The following DPP10 variants were observed in gnomAD, a reference collection of about 807,000 sequenced individuals.
The protein encoded by DPP10 is dipeptidyl peptidase like 10.
Under a neutral mutation model 120.9 loss-of-function variants are expected in DPP10, and 33 were observed. The ratio of observed to expected loss-of-function variants is 0.27; its 90% confidence interval spans 0.21 to 0.37. The LOEUF (loss-of-function observed/expected upper bound fraction) is 0.37, where lower values mean the gene tolerates loss of function less well. Ranked by LOEUF, DPP10 falls within the 10% of genes least tolerant of loss-of-function variation. The pLI is 1.00. For missense variants in DPP10, 816 were observed against 942.8 expected (o/e 0.87, Z 1.76); for synonymous variants, 337 against 326.1 (o/e 1.03, Z -0.36).
At chr2:115,631,999 T>A (rs746519509) in intron 5 of DPP10, among the ~76,000 whole-genome samples, 1 of 152,170 alleles carries the variant, frequency 6.6e-6, no homozygotes, top group Non-Finnish European at 1.5e-5. Flanking sequence ...CTGTCTTATA[T>A]TGACAGTGGG....
At chr2:115,666,939 A>G (rs2149428897) in intron 5 of DPP10, among the ~76,000 whole-genome samples, 1 of 152,214 alleles carries the variant, frequency 6.6e-6, no homozygotes, top group East Asian at 1.9e-4. Flanking sequence ...ACTTTTTAGT[A>G]ATAGCCATTC....
At chr2:115,339,897 G>A (rs555291867) in intron 2 of DPP10, among the ~76,000 whole-genome samples, 14 of 152,278 alleles carry the variant, frequency 9.2e-5, no homozygotes, top group South Asian at 2.1e-4. Context: ...ATGCAGTTGC[G>A]TAGAACTAAA....
At chr2:115,559,295 A>G (rs1575175008) in intron 5 of DPP10, among the ~76,000 whole-genome samples, 1 of 152,182 alleles carries the variant, frequency 6.6e-6, no homozygotes, top group Non-Finnish European at 1.5e-5. Flanking sequence ...TTGCTTTATC[A>G]GAAACATTGT....
rs1407543024 is a variant in DPP10, at chr2:114,663,662, T to TAGAGAGAGAGAG, written c.60+220825_60+220826insGAGAGAGAGAGA. On this transcript the variant is annotated intron_variant, in intron 1 of 25. Transcript: ENST00000410059. ...ACAGATATATATATATATATATATATATATATAGAGAGAGAGAGAGAGAGA... is the reference window on the plus strand; with the variant it reads ...ACAGATATATATATATATATATATATAGAGAGAGAGAGATATATAGAGAGAGAGAGAGAGAGA... 1.6e-3 allele frequency among the ~76,000 whole-genome samples: 154 copies of TAGAGAGAGAGAG among 94,958 alleles called. 1 individual carries two copies. The highest frequency in any genetic ancestry group is 2.2e-3 in the African/African-American group (31 of 14,180). The allele number at this position is 94,958 out of a possible 152,430, so 62.3% of individuals were successfully genotyped here.
chr2:115,216,384 G>T (rs760314249), intron 1 of DPP10, among the ~76,000 whole-genome samples: 2 of 152,132 alleles, frequency 1.3e-5, no homozygotes, highest in Non-Finnish European at 2.9e-5. Context: ...AATCTCCCAA[G>T]GTCTCTGGAG....
At chr2:114,706,141 G>T (rs1700672184) in intron 1 of DPP10, among the ~76,000 whole-genome samples, 1 of 152,184 alleles carries the variant, frequency 6.6e-6, no homozygotes, top group African/African-American at 2.4e-5. Flanking sequence ...GTCAGTGAAA[G>T]AGCTGCCTGG....
At chr2:114,781,199 A>G (rs1312484009) in intron 1 of DPP10, among the ~76,000 whole-genome samples, 7 of 152,140 alleles carry the variant, frequency 4.6e-5, no homozygotes, top group Non-Finnish European at 7.4e-5. Context: ...AACCTGTGAA[A>G]TCTCTCCACA....
In DPP10 at chr2:115,633,494, T is replaced by C. The variant is rs553580899; in HGVS notation, c.442-56193T>C. Among the ~76,000 whole-genome samples the C allele has an allele frequency of 7.2e-4, 110 of 152,168 alleles. 2 individuals carry two copies. Among genetic ancestry groups the C allele is most frequent in the Admixed American group, 5.2e-3 (80 of 15,286 alleles). On this transcript the variant is annotated intron_variant, in intron 5 of 25. Coordinates refer to ENST00000410059, the MANE Select transcript of DPP10 (RefSeq NM_020868.6). Reference sequence around the variant, plus strand: ...ATACCTAATGTAAATGACGAGTTAATGGGTGCAGCACACCAACATGGCACA... The same window carrying C: ...ATACCTAATGTAAATGACGAGTTAACGGGTGCAGCACACCAACATGGCACA...
intron 1 of DPP10, among the ~76,000 whole-genome samples, chr2:115,295,835 C>T (rs1261720816): frequency 2.0e-5 from 3 of 151,816 alleles, no homozygotes; most frequent in African/African-American, 7.3e-5. Flanking sequence ...AATCTTTAAA[C>T]TTAAAATAAA....
chr2:115,524,966 A>AAAAC (rs147985649), intron 4 of DPP10, among the ~76,000 whole-genome samples: 69 of 152,104 alleles, frequency 4.5e-4, no homozygotes, highest in Middle Eastern at 3.4e-3. Flanking sequence ...GTCCCTATGT[A>AAAAC]AAACAAACAA....
chr2:115,398,358 T>C (rs1198525987), intron 3 of DPP10, among the ~76,000 whole-genome samples: 1 of 152,120 alleles, frequency 6.6e-6, no homozygotes, highest in East Asian at 1.9e-4. Flanking sequence ...AGTTAAAAAA[T>C]TCATGACATG....
chr2:115,612,441 G>A (rs1359631001), intron 5 of DPP10, among the ~76,000 whole-genome samples: 6 of 152,054 alleles, frequency 3.9e-5, no homozygotes, highest in African/African-American at 1.4e-4. Context: ...CTAACCTCAA[G>A]CCTTATTTTT....
chr2:114,612,604 G>A (rs1195698549), intron 1 of DPP10, among the ~76,000 whole-genome samples: 2 of 152,116 alleles, frequency 1.3e-5, no homozygotes. Flanking sequence ...ATTATTCTAT[G>A]GTATCTATTG....
chr2:115,555,195 A>G (rs1558841908), intron 5 of DPP10, among the ~76,000 whole-genome samples: 1 of 152,094 alleles, frequency 6.6e-6, no homozygotes, highest in Admixed American at 6.6e-5. Flanking sequence ...TCTAGAATAT[A>G]TTATTTCCTA....
At position 115,004,697 on chromosome 2, in the gene DPP10, G is replaced by A. The variant is rs548003578; in HGVS notation, c.61-304542G>A. 6.2e-4 allele frequency among the ~76,000 whole-genome samples: 95 copies of A among 152,242 alleles called. 3 individuals are homozygous for A. Among genetic ancestry groups the A allele is most frequent in the African/African-American group, 2.1e-3 (86 of 41,562 alleles). On this transcript the variant is annotated intron_variant, in intron 1 of 25. Coordinates refer to ENST00000410059, the MANE Select transcript of DPP10 (RefSeq NM_020868.6). ...ACGGCGCACCATGAGATTATATCCC[G>A]CACCTGGCTCGGAGGGTCCTACCCC...
chr2:114,801,494 A>G (rs1684246642), intron 1 of DPP10, among the ~76,000 whole-genome samples: 1 of 152,100 alleles, frequency 6.6e-6, no homozygotes, highest in Non-Finnish European at 1.5e-5. Context: ...CTATAAAACT[A>G]TTTGTGTGAC....
At chr2:115,192,469 G>T (rs2105236448) in intron 1 of DPP10, among the ~76,000 whole-genome samples, 1 of 152,282 alleles carries the variant, frequency 6.6e-6, no homozygotes. Flanking sequence ...CATGGCTTGG[G>T]GCCCCCAGTG....
chr2:115,333,958 G>A (rs2062927954), intron 2 of DPP10, among the ~76,000 whole-genome samples: 1 of 151,804 alleles, frequency 6.6e-6, no homozygotes, highest in African/African-American at 2.4e-5. Flanking sequence ...AGAGTAAAAA[G>A]AAACAAAGAA....
At chr2:115,069,073 T>G (rs1161757211) in intron 1 of DPP10, among the ~76,000 whole-genome samples, 2 of 152,150 alleles carry the variant, frequency 1.3e-5, no homozygotes, top group Admixed American at 1.3e-4. Flanking sequence ...CTTTAGGATT[T>G]CTTTTGTATT....
Sources: gnomAD v4.1 joint callset for allele counts (sites outside exome capture counted in the v4.1 genomes callset) on GRCh38, gnomAD v4.1.1 for gene constraint, MANE v1.5 for transcripts, NCBI Gene and HGNC (gene_info 2026-07-23, HGNC 2026-07-21) for gene names.